Variants in CLIP1 observed in about 807,000 individuals in gnomAD.
CLIP1 encodes CAP-Gly domain-containing linker protein 1.
A neutral mutation model predicts 161.6 loss-of-function variants in CLIP1; 66 were observed. That is an observed-to-expected ratio of 0.41 (90% CI 0.33 to 0.50). CLIP1 has a LOEUF of 0.50. Ranked by LOEUF, CLIP1 falls within the 20% of genes least tolerant of loss-of-function variation. The pLI is 0.27. For synonymous variants in CLIP1, 598 were observed against 626.2 expected (o/e 0.96, Z 0.67); for missense variants, 1,376 against 1,702.0 (o/e 0.81, Z 3.37).
At chr12:122,339,989 T>TTA (rs1447689742) in intron 11 of CLIP1, among the ~76,000 whole-genome samples, 1 of 152,174 alleles carries the variant, frequency 6.6e-6, no homozygotes, top group Non-Finnish European at 1.5e-5. Context: ...GGAACCGCCT[T>TTA]TGTTTATGTG....
Position 122,272,794 on chromosome 12 carries a change from A to C in CLIP1, c.*81T>G. On this transcript the variant is annotated 3_prime_UTR_variant, in exon 26 of 26. Coordinates refer to ENST00000620786, the MANE Select transcript of CLIP1 (RefSeq NM_001247997.2). Reference sequence around the variant, plus strand: ...TAAAAAATAACATGAGTTCTCCTGAAGTCTGCACACACAATGCTGGTGTTA... The same window carrying C: ...TAAAAAATAACATGAGTTCTCCTGACGTCTGCACACACAATGCTGGTGTTA... 8.4e-7 allele frequency: 1 copy of C among 1,195,864 alleles called. No individual in the cohort carries two copies. Among genetic ancestry groups the C allele is most frequent in the African/African-American group, 1.5e-5 (1 of 66,878 alleles). The allele number at this position is 1,195,864 out of a possible 1,614,324, so 74.1% of individuals were successfully genotyped here.
chr12:122,352,873 G>C (rs571016232), intron 7 of CLIP1, 87 bp from the exon 8 acceptor site: 14 of 1,140,438 alleles, frequency 1.2e-5, no homozygotes, highest in Non-Finnish European at 1.8e-5. Context: ...AAAAAAACAC[G>C]TTGGGCATGG....
intron 1 of CLIP1, among the ~76,000 whole-genome samples, chr12:122,408,160 C>T (rs975735663): frequency 3.4e-5 from 5 of 148,406 alleles, no homozygotes; most frequent in Non-Finnish European, 7.4e-5. Flanking sequence ...CACTTGAACC[C>T]GGGAGACGGA....
intron 19 of CLIP1, among the ~76,000 whole-genome samples, chr12:122,310,596 A>C (rs1289537661): frequency 6.6e-6 from 1 of 152,226 alleles, no homozygotes; most frequent in East Asian, 1.9e-4. Flanking sequence ...ATATTTATTA[A>C]ACATCTTCTT....
intron 1 of CLIP1, among the ~76,000 whole-genome samples, chr12:122,390,197 A>ATATATAATATATATATAT: frequency 1.1e-5 from 1 of 90,614 alleles, no homozygotes; most frequent in South Asian, 3.5e-4. Context: ...ATATATATAT[A>ATATATAATATATATATAT]ATATATATAT....
chr12:122,419,210 A>G (rs1956852491), intron 1 of CLIP1, among the ~76,000 whole-genome samples: 1 of 151,972 alleles, frequency 6.6e-6, no homozygotes, highest in Non-Finnish European at 1.5e-5. Flanking sequence ...AGCTCTAGTA[A>G]AAATACAAAC....
At chr12:122,338,028 A>AAC (rs551715205) in intron 11 of CLIP1, among the ~76,000 whole-genome samples, 2 of 149,872 alleles carry the variant, frequency 1.3e-5, no homozygotes, top group African/African-American at 4.9e-5. Flanking sequence ...AAAAAAAAAA[A>AAC]CAAAACCAAA....
rs1040732535 is a variant in CLIP1, at chr12:122,271,583, C to T, written c.*1292G>A. The T allele has an allele frequency of 1.3e-5, 2 of 152,704 alleles. No individual in the cohort carries two copies. The highest frequency in any genetic ancestry group is 3.9e-4 in the East Asian group (2 of 5,192). The allele number at this position is 152,704 out of a possible 1,614,324, so 9.5% of individuals were successfully genotyped here. On this transcript the variant is annotated 3_prime_UTR_variant, in exon 26 of 26. Transcript: ENST00000620786. ...ACCAGATTGAATATTCACTGTCGAA[C>T]ACACAGTTGATAATCTTGAGGGGAA... is the stretch of plus-strand genomic sequence containing the variant.
chr12:122,308,671 T>A (rs148141696), intron 20 of CLIP1, among the ~76,000 whole-genome samples: 1 of 152,224 alleles, frequency 6.6e-6, no homozygotes, highest in Non-Finnish European at 1.5e-5. Context: ...CTTAGAATTA[T>A]GGCAAGGACT....
At chr12:122,322,279 T>C (rs939417567) in intron 17 of CLIP1, 3 of 152,688 alleles carry the variant, frequency 2.0e-5, no homozygotes, top group African/African-American at 7.2e-5. Flanking sequence ...AGTAGCTTTC[T>C]GCCAGGGTTT....
chr12:122,354,684 C>T (rs1953242338), intron 6 of CLIP1, 128 bp from the exon 7 acceptor site: 2 of 664,800 alleles, frequency 3.0e-6, no homozygotes, highest in African/African-American at 3.6e-5. Flanking sequence ...TGTTAAAAAG[C>T]TTTCTCTATT....
At chr12:122,422,715 CGCCCGCCCGGCCGGCCCG>C (rs1484627577), upstream of CLIP1, 34 of 95,336 alleles carry the variant, frequency 3.6e-4, 1 homozygote, top group East Asian at 6.5e-3. Flanking sequence ...TCCGCCGCCG[CGCCCGCCCGGCCGGCCCG>C]GCCGGCCCGG....
chr12:122,369,640 T>TA (rs1345287520), intron 3 of CLIP1, among the ~76,000 whole-genome samples: 1 of 150,500 alleles, frequency 6.6e-6, no homozygotes, highest in African/African-American at 2.4e-5. Flanking sequence ...AATAAGCAAG[T>TA]AAAAAAATGA....
rs146367528 is a variant in CLIP1, at chr12:122,402,094, G to A, written c.-107+20427C>T. Among the ~76,000 whole-genome samples the A allele has an allele frequency of 3.1e-3, 473 of 152,134 alleles. 2 individuals carry two copies. The highest frequency in any genetic ancestry group is 0.011 in the African/African-American group (450 of 41,486). ...CACTGTCCAGTAGAAATACAATGCAGTACAAATGTATAATTCTGAATTTTC... is the reference window on the plus strand; with the variant it reads ...CACTGTCCAGTAGAAATACAATGCAATACAAATGTATAATTCTGAATTTTC... On this transcript the variant is annotated intron_variant, in intron 1 of 25. Transcript: ENST00000620786.
At chr12:122,421,104 TG>T (rs1956924136) in intron 1 of CLIP1, among the ~76,000 whole-genome samples, 1 of 150,044 alleles carries the variant, frequency 6.7e-6, no homozygotes, top group South Asian at 2.1e-4. Context: ...TGTATAACCC[TG>T]GTCAAGTTAC....
intron 10 of CLIP1, 74 bp downstream of exon 10, chr12:122,347,301 T>C: frequency 1.8e-6 from 2 of 1,138,318 alleles, no homozygotes; most frequent in Non-Finnish European, 2.6e-6. Flanking sequence ...TCAGGCCAAC[T>C]ATAAAGCATG....
intron 9 of CLIP1, among the ~76,000 whole-genome samples, chr12:122,349,901 T>G (rs1952939062): frequency 1.4e-5 from 1 of 73,264 alleles, no homozygotes; most frequent in East Asian, 6.7e-4. Flanking sequence ...TTTGTTTTTT[T>G]TGTTTTTTTT....
chr12:122,332,589 T>C (rs372285430), intron 15 of CLIP1, among the ~76,000 whole-genome samples: 3 of 151,934 alleles, frequency 2.0e-5, no homozygotes, highest in Admixed American at 2.0e-4. Context: ...GCCTGGCTAA[T>C]TTTGTATTTT....
At chr12:122,419,926 CAAAAA>C (rs5801469) in intron 1 of CLIP1, among the ~76,000 whole-genome samples, 3 of 79,840 alleles carry the variant, frequency 3.8e-5, no homozygotes, top group African/African-American at 1.2e-4. Context: ...GACTCTGTCT[CAAAAA>C]AAAAAAAAAA....
Sources: allele counts gnomAD v4.1 joint callset (sites outside exome capture counted in the v4.1 genomes callset), GRCh38; gene constraint gnomAD v4.1.1; transcripts MANE v1.5; gene names NCBI Gene and HGNC (gene_info 2026-07-23, HGNC 2026-07-21).